The following MEF2C variants were observed in gnomAD, a reference collection of about 807,000 sequenced individuals.
MEF2C encodes the protein myocyte enhancer factor 2C.
MEF2C carries 6 observed loss-of-function variants against 50.5 expected under a neutral mutation model. The ratio of observed to expected loss-of-function variants is 0.12; its 90% CI spans 0.07 to 0.23. The LOEUF is 0.23. MEF2C is among the 10% of genes least tolerant of loss of function. The probability of loss-of-function intolerance (pLI) is 1.00; values close to 1 mark genes in which losing one functional copy is unlikely to be tolerated. For synonymous variants in MEF2C, 183 were observed against 228.0 expected (o/e 0.80, Z 1.78); for missense variants, 276 against 605.0 (o/e 0.46, Z 5.70).
intron 3 of MEF2C, among the ~76,000 whole-genome samples, chr5:88,787,619 T>C (rs749578222): frequency 6.6e-6 from 1 of 152,228 alleles, no homozygotes. Flanking sequence ...TGAACTCTCA[T>C]AACAATGCTT....
intron 1 of MEF2C, among the ~76,000 whole-genome samples, chr5:88,863,446 A>G (rs1021856513): frequency 6.6e-6 from 1 of 152,272 alleles, no homozygotes; most frequent in East Asian, 1.9e-4. Context: ...TTTTCAATTT[A>G]TAGGTTTATT....
chr5:88,873,357 A>G (rs1830104707), intron 1 of MEF2C, among the ~76,000 whole-genome samples: 1 of 152,092 alleles, frequency 6.6e-6, no homozygotes, highest in African/African-American at 2.4e-5. Context: ...GTAAGTTAGC[A>G]TCTAAAACAA....
At position 88,772,648 on chromosome 5, in the gene MEF2C, T is replaced by A; in HGVS notation, c.259-11320A>T. ...ACCAATTCTGGATTGTGAACACAGA[T>A]TTCATTTATGGTATCCTCAACTTCT... On this transcript the variant is annotated intron_variant, in intron 3 of 10. Coordinates refer to ENST00000504921, the MANE Select transcript of MEF2C (RefSeq NM_002397.5). The A allele has an allele frequency of 3.8e-6, 3 of 793,122 alleles. No homozygotes were observed. The South Asian group carries it at 1.7e-4, about 46-fold the overall frequency. The allele number at this position is 793,122 out of a possible 1,614,324, so 49.1% of individuals were successfully genotyped here. A position where few individuals can be genotyped will look rare whatever the true frequency, so the allele number is the denominator to read the frequency against.
chr5:88,741,139 C>T (rs1766558512), intron 6 of MEF2C: 4 of 985,394 alleles, frequency 4.1e-6, no homozygotes, highest in African/African-American at 1.7e-5. Context: ...ATAGGAGCCC[C>T]GTGCTGGACA....
Position 88,722,417 on chromosome 5 carries a change from G to C in MEF2C, c.*187C>G. 1 of 565,286 alleles carries C rather than the reference G, an allele frequency of 1.8e-6. No homozygotes were observed. The allele number at this position is 565,286 out of a possible 1,614,324, so 35.0% of individuals were successfully genotyped here. ...CAACTCAAGTGCTAAGCTTATCTCA[G>C]CATTTCTGTTTATCTTTATACTGTA... is the stretch of plus-strand genomic sequence containing the variant. On this transcript the variant is annotated 3_prime_UTR_variant, in exon 11 of 11. Transcript: ENST00000504921.
intron 3 of MEF2C, among the ~76,000 whole-genome samples, chr5:88,762,183 G>C (rs1778175223): frequency 1.3e-5 from 2 of 152,182 alleles, no homozygotes; most frequent in South Asian, 4.1e-4. Flanking sequence ...CCTGTCTCCT[G>C]GATGTGGGTC....
intron 1 of MEF2C, among the ~76,000 whole-genome samples, chr5:88,873,960 A>G: frequency 6.6e-6 from 1 of 151,924 alleles, no homozygotes. Context: ...GTACCTTTTA[A>G]AGATATTAAT....
chr5:88,736,667 A>T, intron 6 of MEF2C: 1 of 985,224 alleles, frequency 1.0e-6, no homozygotes, highest in African/African-American at 1.7e-5. Flanking sequence ...ATGCTAACCA[A>T]CCCACTCAAG....
intron 1 of MEF2C, among the ~76,000 whole-genome samples, chr5:88,847,643 G>A (rs927174585): frequency 2.1e-4 from 32 of 151,970 alleles, no homozygotes; most frequent in Non-Finnish European, 2.4e-4. Context: ...ACAATTCTCT[G>A]TGCCAACTTC....
intron 1 of MEF2C, among the ~76,000 whole-genome samples, chr5:88,830,374 T>G (rs2153230596): frequency 6.6e-6 from 1 of 152,214 alleles, no homozygotes; most frequent in South Asian, 2.1e-4. Context: ...CTGCAATTAA[T>G]TTAATAAGTG....
In MEF2C at chr5:88,793,616, G is replaced by T. The variant is rs369541568; in HGVS notation, c.258+10982C>A. On this transcript the variant is annotated intron_variant, in intron 3 of 10. Transcript: ENST00000504921. ...TAAGAAAAGTATCCTTGTATAATATGTATCTATATAGCACATAAAAATAAT... is the reference window on the plus strand; with the variant it reads ...TAAGAAAAGTATCCTTGTATAATATTTATCTATATAGCACATAAAAATAAT... Among the ~76,000 whole-genome samples the T allele has an allele frequency of 2.6e-5, 4 of 152,080 alleles. No individual in the cohort carries two copies. The South Asian group carries it at 8.3e-4, about 32-fold the overall frequency.
At chr5:88,890,907 A>T (rs917401126) in intron 1 of MEF2C, among the ~76,000 whole-genome samples, 5 of 152,222 alleles carry the variant, frequency 3.3e-5, no homozygotes, top group Non-Finnish European at 7.3e-5. Flanking sequence ...GAAAGAAGAT[A>T]AGGTCCCCTA....
intron 8 of MEF2C, among the ~76,000 whole-genome samples, chr5:88,730,005 T>G (rs547840782): frequency 6.8e-6 from 1 of 147,486 alleles, no homozygotes; most frequent in East Asian, 2.0e-4. Flanking sequence ...CCTAAAATAT[T>G]GAAAACAGAA....
At chr5:88,774,336 CT>C (rs34650524) in intron 3 of MEF2C, among the ~76,000 whole-genome samples, 98 of 144,442 alleles carry the variant, frequency 6.8e-4, no homozygotes, top group Admixed American at 1.2e-3. Flanking sequence ...GTTTCTACCT[CT>C]TTTTTTTTTT....
At chr5:88,794,416 T>C (rs1211434806) in intron 3 of MEF2C, among the ~76,000 whole-genome samples, 1 of 152,242 alleles carries the variant, frequency 6.6e-6, no homozygotes, top group African/African-American at 2.4e-5. Flanking sequence ...CTTTTTTTCA[T>C]ATGCTTGTTG....
chr5:88,812,081 G>C (rs1302565203), intron 2 of MEF2C, among the ~76,000 whole-genome samples: 3 of 152,082 alleles, frequency 2.0e-5, no homozygotes, highest in Non-Finnish European at 4.4e-5. Flanking sequence ...TATCTTCTCT[G>C]ATGCACCAGG....
chr5:88,720,899 G>T lies in MEF2C; in HGVS notation c.*1705C>A, dbSNP rs1756121263. On this transcript the variant is annotated 3_prime_UTR_variant, in exon 11 of 11. Coordinates refer to ENST00000504921, the MANE Select transcript of MEF2C (RefSeq NM_002397.5). ...ATAGATGACATACATGCTTTATGCA[G>T]AAGTGACATTTGGGGGTCCTGACAC... 6.6e-6 allele frequency: 1 copy of T among 152,522 alleles called. No individual in the cohort carries two copies. The highest frequency in any genetic ancestry group is 2.4e-5 in the African/African-American group (1 of 41,416). 9.4% of individuals were successfully genotyped at this position (152,522 alleles called of 1,614,324 possible).
intron 5 of MEF2C, among the ~76,000 whole-genome samples, chr5:88,750,899 G>A (rs891112086): frequency 6.6e-6 from 1 of 152,138 alleles, no homozygotes; most frequent in African/African-American, 2.4e-5. Flanking sequence ...ATACAGCTAT[G>A]TGTATGTAGG....
chr5:88,739,613 A>T, intron 6 of MEF2C: 1 of 985,268 alleles, frequency 1.0e-6, no homozygotes, highest in Non-Finnish European at 1.2e-6. Context: ...AAAAAAAATT[A>T]GTGGAAAAAT....
Sources: gnomAD v4.1 joint callset for allele counts (sites outside exome capture counted in the v4.1 genomes callset) on GRCh38, gnomAD v4.1.1 for gene constraint, MANE v1.5 for transcripts, NCBI Gene and HGNC (gene_info 2026-07-23, HGNC 2026-07-21) for gene names.